PICALM: variants seen among roughly 807,000 people sequenced by gnomAD.
PICALM encodes the protein phosphatidylinositol-binding clathrin assembly protein.
A neutral mutation model predicts 80.5 loss-of-function variants in PICALM; 40 were observed. The ratio of observed to expected loss-of-function variants is 0.50; its 90% confidence interval spans 0.39 to 0.65. PICALM has a LOEUF of 0.65. Among genes scored for constraint, PICALM ranks in the 30% least tolerant of loss-of-function variants. PICALM has a pLI of 0.00. For synonymous variants in PICALM, 288 were observed against 260.3 expected, an observed-to-expected ratio of 1.11 and a Z score of -1.02; for missense variants, 676 against 778.9, an observed-to-expected ratio of 0.87 and a Z score of 1.57.
chr11:85,961,518 G>A (rs879667790), intron 19 of PICALM, among the ~76,000 whole-genome samples: 2 of 152,184 alleles, frequency 1.3e-5, no homozygotes, highest in Admixed American at 6.5e-5. Context: ...GTAAACAACT[G>A]AATTCAGTAT....
intron 17 of PICALM, among the ~76,000 whole-genome samples, chr11:85,980,236 G>A (rs2135681312): frequency 6.6e-6 from 1 of 152,286 alleles, no homozygotes; most frequent in Middle Eastern, 3.4e-3. Flanking sequence ...TACCAGACCA[G>A]AGGATAGAGA....
chr11:86,036,944 C>T (rs200170395), intron 1 of PICALM, among the ~76,000 whole-genome samples: 2 of 23,062 alleles, frequency 8.7e-5, no homozygotes, highest in African/African-American at 7.0e-4. Flanking sequence ...TCAACAACAA[C>T]CAAAAAAAAA....
intron 1 of PICALM, among the ~76,000 whole-genome samples, chr11:86,031,834 A>T (rs2095756448): frequency 1.3e-5 from 2 of 152,140 alleles, no homozygotes; most frequent in South Asian, 4.1e-4. Flanking sequence ...AATACCAAAA[A>T]ATAAATCAAA....
At chr11:85,980,643 A>G (rs1357779626) in intron 17 of PICALM, among the ~76,000 whole-genome samples, 1 of 152,202 alleles carries the variant, frequency 6.6e-6, no homozygotes, top group Non-Finnish European at 1.5e-5. Context: ...TTCTTTACCA[A>G]TAATGAAATC....
chr11:85,981,643 A>T, intron 16 of PICALM, 102 bp downstream of exon 16: 1 of 820,662 alleles, frequency 1.2e-6, no homozygotes, highest in Non-Finnish European at 2.0e-6. Context: ...TGATATCTCT[A>T]CACATATTTT....
At chr11:85,989,808 GAAAT>G (rs2094704839) in intron 13 of PICALM, among the ~76,000 whole-genome samples, 2 of 152,062 alleles carry the variant, frequency 1.3e-5, no homozygotes, top group South Asian at 2.1e-4. Context: ...AGTTAAAAGA[GAAAT>G]AAAATATTAA....
At chr11:85,998,272 C>T (rs1314645644) in intron 11 of PICALM, among the ~76,000 whole-genome samples, 3 of 151,534 alleles carry the variant, frequency 2.0e-5, no homozygotes, top group East Asian at 2.0e-4. Flanking sequence ...CCACCACGCC[C>T]GGCTAATTTT....
intron 12 of PICALM, among the ~76,000 whole-genome samples, chr11:85,996,048 T>C (rs2094949040): frequency 6.6e-6 from 1 of 152,150 alleles, no homozygotes; most frequent in Middle Eastern, 3.2e-3. Flanking sequence ...TACAAACTAC[T>C]TGTCGGAACA....
chr11:86,061,527 A>T (rs920705497), intron 1 of PICALM, among the ~76,000 whole-genome samples: 3 of 152,068 alleles, frequency 2.0e-5, no homozygotes, highest in Non-Finnish European at 4.4e-5. Context: ...AAAGTCACAT[A>T]ATCAGGAAAA....
intron 7 of PICALM, among the ~76,000 whole-genome samples, chr11:86,010,219 A>G (rs541033117): frequency 6.6e-6 from 1 of 152,308 alleles, no homozygotes; most frequent in South Asian, 2.1e-4. Context: ...AATTTCAGAA[A>G]ATTATTTTTA....
At chr11:85,977,080 C>T (rs1482818348) in intron 17 of PICALM, 2 of 153,396 alleles carry the variant, frequency 1.3e-5, no homozygotes, top group Non-Finnish European at 2.9e-5. Context: ...TACTTAGGTA[C>T]CTGATTGCTT....
intron 1 of PICALM, among the ~76,000 whole-genome samples, chr11:86,036,492 T>C (rs1274623884): frequency 1.3e-5 from 2 of 152,172 alleles, no homozygotes; most frequent in Non-Finnish European, 1.5e-5. Flanking sequence ...ACCAACATAA[T>C]TGGACTTTAA....
chr11:85,967,103 C>T (rs1362483072), intron 19 of PICALM, among the ~76,000 whole-genome samples: 1 of 151,734 alleles, frequency 6.6e-6, no homozygotes, highest in Non-Finnish European at 1.5e-5. Flanking sequence ...GTGTTTTTTT[C>T]CTCTTCAAAC....
chr11:85,981,799 A>T (rs1245195604), intron 15 of PICALM, 24 bp from the exon 16 acceptor site: 1 of 1,612,944 alleles, frequency 6.2e-7, no homozygotes, highest in Non-Finnish European at 8.5e-7. Flanking sequence ...AAAACAAAAA[A>T]GCATTTTATA....
intron 1 of PICALM, among the ~76,000 whole-genome samples, chr11:86,051,338 T>A (rs954660614): frequency 1.3e-5 from 2 of 152,224 alleles, no homozygotes; most frequent in Admixed American, 1.3e-4. Flanking sequence ...TACATTCCAG[T>A]TAGAGCTTAC....
rs968358704 is a variant in PICALM, at chr11:85,974,909, C to G, written c.1840-97G>C. On this transcript the variant is annotated intron_variant, in intron 18 of 19. Coordinates refer to ENST00000393346, the MANE Select transcript of PICALM (RefSeq NM_007166.4). Reference sequence around the variant, plus strand: ...CAACAGGGATGACAGGTCCTAGTACCTTTGCTTGACTCAAAGGGTAACTTC... The same window carrying G: ...CAACAGGGATGACAGGTCCTAGTACGTTTGCTTGACTCAAAGGGTAACTTC... The G allele has an allele frequency of 4.9e-6, 4 of 809,808 alleles. No homozygotes were observed. In the African/African-American group the frequency reaches 5.0e-5, roughly 10 times the overall value. The allele number at this position is 809,808 out of a possible 1,614,324, so 50.2% of individuals were successfully genotyped here. A position where few individuals can be genotyped will look rare whatever the true frequency, so the allele number is the denominator to read the frequency against.
intron 13 of PICALM, among the ~76,000 whole-genome samples, chr11:85,987,832 T>C (rs770826262): frequency 1.3e-5 from 2 of 152,230 alleles, no homozygotes; most frequent in Non-Finnish European, 2.9e-5. Flanking sequence ...AAGTGCTAGA[T>C]GTTACATAGT....
At chr11:86,013,034 G>T (rs557167603) in intron 5 of PICALM, among the ~76,000 whole-genome samples, 3 of 152,314 alleles carry the variant, frequency 2.0e-5, no homozygotes, top group African/African-American at 7.2e-5. Context: ...GAACACGGTA[G>T]CTCATGCCTG....
chr11:86,023,287 C>T (rs1015979218), intron 3 of PICALM: 16 of 207,512 alleles, frequency 7.7e-5, no homozygotes, highest in African/African-American at 3.3e-4. Flanking sequence ...AAAATGTAAA[C>T]TAACTGGATT....
Sources: allele counts gnomAD v4.1 joint callset (sites outside exome capture counted in the v4.1 genomes callset), GRCh38; gene constraint gnomAD v4.1.1; transcripts MANE v1.5; gene names NCBI Gene and HGNC (gene_info 2026-07-23, HGNC 2026-07-21).